Variants in MAP3K6 observed in about 807,000 individuals in gnomAD.
The protein encoded by MAP3K6 is mitogen-activated protein kinase kinase kinase 6, also known as apoptosis signal-regulating kinase 2.
In MAP3K6, 105 loss-of-function variants were observed where a neutral mutation model predicts 147.1. The ratio of observed to expected loss-of-function variants is 0.71; its 90% CI spans 0.61 to 0.84. MAP3K6 has a LOEUF of 0.84. Among genes scored for constraint, MAP3K6 ranks in the 40% least tolerant of loss-of-function variants. The probability of loss-of-function intolerance (pLI) is 0.00; values close to 1 mark genes in which losing one functional copy is unlikely to be tolerated. For missense variants in MAP3K6, 1,569 were observed against 1,715.0 expected (o/e 0.91, Z 1.50); for synonymous variants, 695 against 732.4 (o/e 0.95, Z 0.82).
In MAP3K6 at chr1:27,364,343, G is replaced by A. The variant is rs773739522; in HGVS notation, c.556C>T (p.Arg186Trp). The A allele has an allele frequency of 9.3e-6, 15 of 1,613,946 alleles. No individual in the cohort carries two copies. The East Asian group carries it at 2.2e-4, about 24-fold the overall frequency. Residue 186 changes from arginine (R) to tryptophan (W), a missense_variant, in exon 4 of 29, where the codon CGG (arginine) becomes TGG (tryptophan). Physicochemically the swap from Arg to Trp is moderately radical, Grantham distance 101 (BLOSUM62 -3). Transcript: ENST00000357582. This position sits in a 1 kb window ranked among gnomAD's most constrained non-coding sequence, Gnocchi z 4.4. ...AGGCCTGCATCACCACACAGCACCC[G>A]ACCAGTGGCCGTCACCACATAGGGG... ...LIPYVVTATG[R>W]VLCGDAGLLR...
chr1:27,359,501 T>C lies in MAP3K6; in HGVS notation c.2341A>G (p.Thr781Ala). ...GAAATCTTGAGCAGCCCACTGAAGG[T>C]GTTGATCAGCACATTGTCCCCCTGA... ...DIKGDNVLIN[T>A]FSGLLKISDF... The change falls in exon 18 of 29, where the codon ACC becomes GCC. Residue 781 changes from threonine (T) to alanine (A), a missense_variant. By Grantham distance (58) the Thr-to-Ala change is moderately conservative. Transcript: ENST00000357582. The surrounding 1 kb of genome is among the most constrained non-coding windows in gnomAD (Gnocchi z 4.4). 6.2e-7 allele frequency: 1 copy of C among 1,614,028 alleles called. No homozygotes were observed. The highest frequency in any genetic ancestry group is 8.5e-7 in the Non-Finnish European group (1 of 1,179,992).
chr1:27,361,258 A>C lies in MAP3K6; in HGVS notation c.1737-6T>G. On this transcript the variant is annotated splice_region_variant and splice_polypyrimidine_tract_variant and intron_variant, in intron 12 of 28. Transcript: ENST00000357582. ...GCTCGTCGCGCTTTGAGGCGCTGGGAAGGGATGAAGAACCCAGTAAGCGTC... is the reference window on the plus strand; with the variant it reads ...GCTCGTCGCGCTTTGAGGCGCTGGGCAGGGATGAAGAACCCAGTAAGCGTC... The C allele has an allele frequency of 6.2e-7, 1 of 1,613,562 alleles. No homozygotes were observed. The highest frequency in any genetic ancestry group is 2.2e-5 in the East Asian group (1 of 44,864).
At chr1:27,357,268 GT>G in intron 23 of MAP3K6, 131 bp downstream of exon 23, 3 of 1,366,844 alleles carry the variant, frequency 2.2e-6, no homozygotes, top group Non-Finnish European at 2.0e-6. Flanking sequence ...TGGGCAGACG[GT>G]TTTTTGCTGC....
rs577389376 is a variant in MAP3K6, at chr1:27,360,844, G to C, written c.1921-6C>G. ...TCCGTGTACTCATAATCAAACTGCCGGGCGCGGGGTGAGATGGGAGTTCAG... is the reference window on the plus strand; with the variant it reads ...TCCGTGTACTCATAATCAAACTGCCCGGCGCGGGGTGAGATGGGAGTTCAG... On this transcript the variant is annotated splice_region_variant and splice_polypyrimidine_tract_variant and intron_variant, in intron 14 of 28. Transcript: ENST00000357582. This position sits in a 1 kb window ranked among gnomAD's most constrained non-coding sequence, Gnocchi z 4.5. 8.1e-6 allele frequency: 13 copies of C among 1,612,510 alleles called. No homozygotes were observed. The African/African-American group carries it at 1.7e-4, about 21-fold the overall frequency.
Position 27,362,942 on chromosome 1 carries a change from C to T in MAP3K6, c.1051G>A (p.Asp351Asn), listed in dbSNP as rs1397270232. Residue 351 changes from aspartate to asparagine, a missense_variant, in exon 7 of 29, where the codon GAT (aspartate) becomes AAT (asparagine). Transcript: ENST00000357582. The stretch of plus-strand genomic sequence containing the variant: ...ATACGGCCACACATGCAGTACAGAT[C>T]GGGCGCCACAGAGCCCTCAAGCTGT... The part of the protein sequence containing the change: ...LVQLEGSVAP[D>N]LYCMCGRIYK... 3.1e-6 allele frequency: 5 copies of T among 1,614,110 alleles called. No homozygotes were observed. The highest frequency in any genetic ancestry group is 4.2e-6 in the Non-Finnish European group (5 of 1,180,010).
intron 9 of MAP3K6, 76 bp downstream of exon 9, chr1:27,362,015 G>A (rs2015793884): frequency 3.9e-6 from 6 of 1,547,198 alleles, no homozygotes. Context: ...TCAGGGTTCA[G>A]TCTAGCATGC....
At chr1:27,356,875 C>A in intron 24 of MAP3K6, 126 bp from the exon 25 acceptor site, 1 of 1,418,586 alleles carries the variant, frequency 7.0e-7, no homozygotes, top group Non-Finnish European at 9.6e-7. Context: ...TGGGAGATGT[C>A]CATTTAGTCA....
intron 23 of MAP3K6, 75 bp from the exon 24 acceptor site, chr1:27,357,189 A>G: frequency 6.9e-7 from 1 of 1,445,032 alleles, no homozygotes; most frequent in Non-Finnish European, 9.7e-7. Flanking sequence ...AAAGGCCTAG[A>G]AAGTCTTCGG....
At chr1:27,363,302 G>A in intron 6 of MAP3K6, 140 bp downstream of exon 6, 1 of 677,964 alleles carries the variant, frequency 1.5e-6, no homozygotes, top group Non-Finnish European at 2.5e-6. Context: ...CAGAACAACA[G>A]GGACCTATTG....
chr1:27,365,260 T>A (rs1310052306), intron 1 of MAP3K6, among the ~76,000 whole-genome samples: 1 of 152,190 alleles, frequency 6.6e-6, no homozygotes, highest in Admixed American at 6.5e-5. Context: ...CCTTTGGTCT[T>A]CAGCACAGGC....
chr1:27,357,201 G>C lies in MAP3K6; in HGVS notation c.3259-87C>G, dbSNP rs767047933. The C allele has an allele frequency of 2.5e-4, 338 of 1,364,664 alleles. 1 individual carries two copies. Among genetic ancestry groups the C allele is most frequent in the Non-Finnish European group, 2.9e-4 (279 of 970,988 alleles). The allele number at this position is 1,364,664 out of a possible 1,614,324, so 84.5% of individuals were successfully genotyped here. On this transcript the variant is annotated intron_variant, in intron 23 of 28. Transcript: ENST00000357582. Reference sequence around the variant, plus strand: ...TGGAAAGGCCTAGAAAGTCTTCGGCGGGAGGCGAGTGGGGTGGGCGGGCTT... The same window carrying C: ...TGGAAAGGCCTAGAAAGTCTTCGGCCGGAGGCGAGTGGGGTGGGCGGGCTT...
Position 27,359,793 on chromosome 1 carries a change from T to G in MAP3K6, c.2319+65A>C, listed in dbSNP as rs1360394595. 1 of 1,604,702 alleles carries G rather than the reference T, an allele frequency of 6.2e-7. No homozygotes were observed. The highest frequency in any genetic ancestry group is 1.3e-5 in the African/African-American group (1 of 74,846). On this transcript the variant is annotated intron_variant, in intron 17 of 28. Transcript: ENST00000357582. This position sits in a 1 kb window ranked among gnomAD's most constrained non-coding sequence, Gnocchi z 4.4. Reference sequence around the variant, plus strand: ...ACTTAATCTAAACTGCCAGCCTGCGTCTGGGACCATGTTTCCTTCCCCGCC... The same window carrying G: ...ACTTAATCTAAACTGCCAGCCTGCGGCTGGGACCATGTTTCCTTCCCCGCC...
At position 27,357,854 on chromosome 1, in the gene MAP3K6, C is replaced by T. The variant is rs779660765; in HGVS notation, c.2938G>A (p.Glu980Lys). The change falls in exon 22 of 29, where the codon GAG becomes AAG. Residue 980 changes from glutamate (E) to lysine (K), a missense_variant. Transcript: ENST00000357582. ...CTCTCCTCCGGAGACGCAGGCTCCT[C>T]GGCCGCAGGCTCCTCGGGCACCCTG... ...QLRVPEEPAA[E>K]EPASPEESSG... 7.2e-5 allele frequency: 115 copies of T among 1,594,486 alleles called. 1 individual carries two copies. The South Asian group carries it at 9.0e-4, about 12-fold the overall frequency.
At position 27,357,428 on chromosome 1, in the gene MAP3K6, T is replaced by G; in HGVS notation, c.3230A>C (p.His1077Pro). Reference protein sequence around the residue: ...RAQGLGPALLHRPLFAFPDAV... With the variant: ...RAQGLGPALLPRPLFAFPDAV... ...ATCCGGGAAGGCAAACAGCGGTCTG[T>G]GCAGAAGCGCAGGCCCAAGGCCCTG... Residue 1077 changes from histidine to proline, a missense_variant, in exon 23 of 29, where the codon CAC becomes CCC. Physicochemically the swap from His to Pro is moderately conservative, Grantham distance 77 (BLOSUM62 -2). Coordinates refer to ENST00000357582, the MANE Select transcript of MAP3K6 (RefSeq NM_004672.5). The G allele has an allele frequency of 1.2e-6, 2 of 1,612,184 alleles. No individual in the cohort carries two copies. The highest frequency in any genetic ancestry group is 2.7e-5 in the African/African-American group (2 of 74,958).
rs2015974339 is a variant in MAP3K6, at chr1:27,366,207, C to T, written c.340+51G>A. 7.8e-7 allele frequency: 1 copy of T among 1,274,046 alleles called. No individual in the cohort carries two copies. Among genetic ancestry groups the T allele is most frequent in the Non-Finnish European group, 9.9e-7 (1 of 1,010,322 alleles). The allele number at this position is 1,274,046 out of a possible 1,614,324, so 78.9% of individuals were successfully genotyped here. On this transcript the variant is annotated intron_variant, in intron 1 of 28. Transcript: ENST00000357582. The surrounding 1 kb of genome is among the most constrained non-coding windows in gnomAD (Gnocchi z 5.5). ...GCCTTCGAGCCCGGCTTGGTCCCCT[C>T]CCAGGACCCTGAGTCCCGCCCGGAT...
intron 28 of MAP3K6, 76 bp downstream of exon 28, chr1:27,355,593 A>G: frequency 1.3e-6 from 2 of 1,591,404 alleles, no homozygotes; most frequent in Non-Finnish European, 1.7e-6. Flanking sequence ...GTTTCCAGGA[A>G]GGAACCTAGG....
Position 27,366,505 on chromosome 1 carries a change from G to A in MAP3K6, c.93C>T (p.Leu31=). 2.7e-6 allele frequency: 3 copies of A among 1,114,352 alleles called. No individual in the cohort carries two copies. Among genetic ancestry groups the A allele is most frequent in the Non-Finnish European group, 3.3e-6 (3 of 914,182 alleles). The allele number at this position is 1,114,352 out of a possible 1,614,324, so 69.0% of individuals were successfully genotyped here. A position where few individuals can be genotyped will look rare whatever the true frequency, so the allele number is the denominator to read the frequency against. The stretch of plus-strand genomic sequence containing the variant: ...CGCAGCCCCGGCCCGGGGGCGCCGC[G>A]AGCTGCCGGCCCCGGCTCAGCGCCA... ...LAVALSRGRQ[L]AAPPGRGCAR... is the part of the protein sequence containing the mutation. The change falls in exon 1 of 29, where the codon CTC becomes CTT. Residue 31 remains leucine, a synonymous_variant. Coordinates refer to ENST00000357582, the MANE Select transcript of MAP3K6 (RefSeq NM_004672.5). This position sits in a 1 kb window ranked among gnomAD's most constrained non-coding sequence, Gnocchi z 5.5.
At position 27,360,874 on chromosome 1, in the gene MAP3K6, G is replaced by A. The variant is rs764203955; in HGVS notation, c.1921-36C>T. 2 of 1,610,738 alleles carry A rather than the reference G, an allele frequency of 1.2e-6. No homozygotes were observed. The highest frequency in any genetic ancestry group is 8.5e-7 in the Non-Finnish European group (1 of 1,178,782). The stretch of plus-strand genomic sequence containing the variant: ...CGGGGTGAGATGGGAGTTCAGCAGG[G>A]CCCGCGGCCCCTCGCCCTCCGCGAG... On this transcript the variant is annotated intron_variant, in intron 14 of 28. Coordinates refer to ENST00000357582, the MANE Select transcript of MAP3K6 (RefSeq NM_004672.5). This position sits in a 1 kb window ranked among gnomAD's most constrained non-coding sequence, Gnocchi z 4.5.
rs187573626 is a variant in MAP3K6 at position 27,355,533 on chromosome 1, C to T, written c.3789-64G>A. On this transcript the variant is annotated intron_variant, in intron 28 of 28. Transcript: ENST00000357582. ...GGCCCTGGACTCTATCTTGCACACA[C>T]TGTCTGCCCAGTGCCCCCTCTGTCC... The T allele has an allele frequency of 4.1e-5, 65 of 1,584,728 alleles. No individual in the cohort carries two copies. The African/African-American group carries it at 6.7e-4, about 16-fold the overall frequency.
Sources: gnomAD v4.1 joint callset for allele counts (sites outside exome capture counted in the v4.1 genomes callset) on GRCh38, gnomAD v4.1.1 for gene constraint, Gnocchi (gnomAD v3.1) non-coding constraint, MANE v1.5 for transcripts, NCBI Gene and HGNC (gene_info 2026-07-23, HGNC 2026-07-21) for gene names.